Variants in AGBL4 observed in about 807,000 individuals in gnomAD.
The protein encoded by AGBL4 is cytosolic carboxypeptidase 6.
AGBL4 carries 58 observed loss-of-function variants against 66.4 expected under a neutral mutation model. The observed-to-expected ratio is 0.87, with a 90% CI of 0.71 to 1.09. The LOEUF is 1.09. AGBL4 is among the 50% of genes least tolerant of loss of function. AGBL4 has a pLI of 0.00. For missense variants in AGBL4, 579 were observed against 631.0 expected, an observed-to-expected ratio of 0.92 and a Z score of 0.88; for synonymous variants, 234 against 222.9, an observed-to-expected ratio of 1.05 and a Z score of -0.44.
At chr1:49,066,326 G>T (rs926114008) in intron 4 of AGBL4, among the ~76,000 whole-genome samples, 17 of 152,158 alleles carry the variant, frequency 1.1e-4, no homozygotes, top group Admixed American at 5.9e-4. Flanking sequence ...GGCCAAGGTG[G>T]GCAGATCATG....
intron 2 of AGBL4, 39 bp downstream of exon 2, chr1:49,851,357 C>T: frequency 6.6e-7 from 1 of 1,511,690 alleles, no homozygotes; most frequent in Non-Finnish European, 8.8e-7. Flanking sequence ...AAATGCCTTA[C>T]CAGACAAACT....
chr1:49,821,580 G>C (rs1427900492), intron 2 of AGBL4, among the ~76,000 whole-genome samples: 1 of 152,184 alleles, frequency 6.6e-6, no homozygotes, highest in Non-Finnish European at 1.5e-5. Flanking sequence ...TGTAGAATGT[G>C]TTTATGACAG....
At chr1:48,597,398 G>A (rs1254252923) in intron 9 of AGBL4, among the ~76,000 whole-genome samples, 3 of 152,116 alleles carry the variant, frequency 2.0e-5, no homozygotes, top group Non-Finnish European at 2.9e-5. Context: ...CAAGGTAATT[G>A]CAGATTGTGA....
At chr1:49,833,199 G>C (rs571410603) in intron 2 of AGBL4, among the ~76,000 whole-genome samples, 1 of 152,268 alleles carries the variant, frequency 6.6e-6, no homozygotes, top group African/African-American at 2.4e-5. Flanking sequence ...TCCAATTTCA[G>C]CTTTCTACAT....
intron 3 of AGBL4, among the ~76,000 whole-genome samples, chr1:49,314,639 A>G (rs1645005834): frequency 6.6e-6 from 1 of 152,080 alleles, no homozygotes; most frequent in African/African-American, 2.4e-5. Context: ...ATTGATGAGC[A>G]TTTTGGTTGT....
At chr1:49,284,606 G>T (rs1378036903) in intron 3 of AGBL4, among the ~76,000 whole-genome samples, 2 of 152,216 alleles carry the variant, frequency 1.3e-5, no homozygotes, top group Admixed American at 1.3e-4. Flanking sequence ...AGATCCATCA[G>T]TGTGCTGTAT....
chr1:48,544,830 C>G (rs573406794), intron 11 of AGBL4, among the ~76,000 whole-genome samples: 1 of 152,300 alleles, frequency 6.6e-6, no homozygotes, highest in South Asian at 2.1e-4. Context: ...GACTGCAACA[C>G]ACCACTCTTC....
At chr1:49,286,972 G>C (rs891053883) in intron 3 of AGBL4, among the ~76,000 whole-genome samples, 2 of 152,142 alleles carry the variant, frequency 1.3e-5, no homozygotes, top group South Asian at 2.1e-4. Flanking sequence ...ATACTACAAG[G>C]CTATAGTAAC....
chr1:49,687,445 A>G (rs1054101641), intron 3 of AGBL4, among the ~76,000 whole-genome samples: 2 of 152,190 alleles, frequency 1.3e-5, no homozygotes, highest in African/African-American at 4.8e-5. Context: ...ACTTAAAGTT[A>G]TCTCTGTAAA....
chr1:49,231,343 T>C (rs1339049047), intron 4 of AGBL4, among the ~76,000 whole-genome samples: 1 of 152,162 alleles, frequency 6.6e-6, no homozygotes, highest in African/African-American at 2.4e-5. Context: ...TTCTCTATAA[T>C]AATTAAGCGC....
chr1:49,960,964 G>C (rs1314104539), intron 1 of AGBL4, among the ~76,000 whole-genome samples: 1 of 152,014 alleles, frequency 6.6e-6, no homozygotes, highest in African/African-American at 2.4e-5. Flanking sequence ...ATTTAATAGA[G>C]TGTAAAGTTC....
intron 5 of AGBL4, among the ~76,000 whole-genome samples, chr1:49,005,375 C>A (rs1012093236): frequency 6.6e-6 from 1 of 152,108 alleles, no homozygotes; most frequent in Non-Finnish European, 1.5e-5. Flanking sequence ...TGTTAAATAA[C>A]ATGGTGAAAT....
At chr1:48,534,455 C>T (rs544525626) in intron 13 of AGBL4, among the ~76,000 whole-genome samples, 162 bp from the exon 14 acceptor site, 3 of 152,246 alleles carry the variant, frequency 2.0e-5, no homozygotes, top group African/African-American at 7.2e-5. Context: ...AATGAGCAGA[C>T]ATTGATACTG....
At chr1:49,092,156 C>T (rs1645014291) in intron 4 of AGBL4, among the ~76,000 whole-genome samples, 1 of 152,098 alleles carries the variant, frequency 6.6e-6, no homozygotes, top group Non-Finnish European at 1.5e-5. Context: ...CAAACCTGCA[C>T]ATGTACCCCT....
rs528310334 is a variant in AGBL4 at position 49,526,808 on chromosome 1, T to C, written c.282+170505A>G. Among the ~76,000 whole-genome samples the C allele has an allele frequency of 4.6e-5, 7 of 152,296 alleles. 1 individual carries two copies. In the South Asian group the frequency reaches 1.5e-3, roughly 32 times the overall value. On this transcript the variant is annotated intron_variant, in intron 3 of 13. Coordinates refer to ENST00000371839, the MANE Select transcript of AGBL4 (RefSeq NM_032785.4). ...GTCTGGAAGAGAAACATTTATTCTG[T>C]GTTTGACATTGTGCATGGTATCTAA...
Position 49,135,022 on chromosome 1 carries a change from G to T in AGBL4, c.378-89222C>A, listed in dbSNP as rs12079293. 2.1e-3 allele frequency among the ~76,000 whole-genome samples: 315 copies of T among 151,816 alleles called. 5 individuals carry two copies. Among genetic ancestry groups the T allele is most frequent in the African/African-American group, 7.0e-3 (292 of 41,424 alleles). On this transcript the variant is annotated intron_variant, in intron 4 of 13. Transcript: ENST00000371839. ...CATATATAGTATACATATATTGTAT[G>T]CATTCTTTTCCCAGGGCTGTTCATT...
At chr1:48,999,510 A>G (rs564595596) in intron 5 of AGBL4, among the ~76,000 whole-genome samples, 1 of 152,322 alleles carries the variant, frequency 6.6e-6, no homozygotes, top group East Asian at 1.9e-4. Context: ...TCAAAGGGTA[A>G]GCACTGCAAA....
intron 3 of AGBL4, 41 bp downstream of exon 3, chr1:49,697,272 C>A (rs1164535836): frequency 6.6e-7 from 1 of 1,507,866 alleles, no homozygotes; most frequent in Admixed American, 2.0e-5. Flanking sequence ...GCATATTATT[C>A]TTACCAAAAC....
chr1:48,578,686 A>G (rs1644690888), intron 11 of AGBL4, among the ~76,000 whole-genome samples: 1 of 152,222 alleles, frequency 6.6e-6, no homozygotes, highest in African/African-American at 2.4e-5. Context: ...CAGAGATCAC[A>G]TAACTCATTG....
Sources: allele counts gnomAD v4.1 joint callset (sites outside exome capture counted in the v4.1 genomes callset), GRCh38; gene constraint gnomAD v4.1.1; transcripts MANE v1.5; gene names NCBI Gene and HGNC (gene_info 2026-07-23, HGNC 2026-07-21).